OR51B5: variants seen among roughly 807,000 people sequenced by gnomAD.
The protein encoded by OR51B5 is olfactory receptor 51B5.
For synonymous variants in OR51B5, 186 were observed against 144.8 expected, an observed-to-expected ratio of 1.28 and a Z score of -2.04; for missense variants, 456 against 374.6, an observed-to-expected ratio of 1.22 and a Z score of -1.79.
chr11:5,355,728 C>T (rs1413785275), intron 1 of OR51B5: 1 of 149,604 alleles, frequency 6.7e-6, no homozygotes, highest in Admixed American at 6.7e-5. Flanking sequence ...TTCAAATAAA[C>T]CTTGGGAAAT....
At chr11:5,394,523 G>A (rs894964632) in intron 1 of OR51B5, among the ~76,000 whole-genome samples, 4 of 152,158 alleles carry the variant, frequency 2.6e-5, no homozygotes, top group Non-Finnish European at 2.9e-5. Context: ...CAACTATCCC[G>A]TTATTTAATA....
intron 1 of OR51B5, among the ~76,000 whole-genome samples, chr11:5,447,549 G>GT (rs1307144525): frequency 1.3e-5 from 2 of 152,028 alleles, no homozygotes; most frequent in African/African-American, 4.8e-5. Flanking sequence ...AATATATTCA[G>GT]TTTTTTTGTA....
At chr11:5,497,108 G>T (rs915955391) in intron 1 of OR51B5, among the ~76,000 whole-genome samples, 51 of 151,982 alleles carry the variant, frequency 3.4e-4, no homozygotes, top group African/African-American at 1.1e-3. Flanking sequence ...CTTTGATCTT[G>T]TTTCTCCTAA....
intron 1 of OR51B5, among the ~76,000 whole-genome samples, chr11:5,372,730 T>A (rs974495511): frequency 6.6e-6 from 1 of 152,240 alleles, no homozygotes; most frequent in Non-Finnish European, 1.5e-5. Context: ...TTGTTTTCTT[T>A]GCTGTGCAGA....
Position 5,374,938 on chromosome 11 carries a change from A to G in OR51B5, n.85-28028T>C, listed in dbSNP as rs555439781. ...GATATTATCCAGGAGAACTTCCCCA[A>G]TCTAGCAAGGCAGGCCAACATTCAG... is the stretch of plus-strand genomic sequence containing the variant. On this transcript the variant is annotated intron_variant and non_coding_transcript_variant, in intron 1 of 4. Transcript: ENST00000415970. 3.4e-4 allele frequency among the ~76,000 whole-genome samples: 52 copies of G among 152,114 alleles called. 1 individual carries two copies. The Middle Eastern group carries it at 0.034, about 99-fold the overall frequency.
intron 1 of OR51B5, among the ~76,000 whole-genome samples, chr11:5,495,936 C>A (rs1232379841): frequency 2.0e-5 from 3 of 152,074 alleles, no homozygotes; most frequent in Non-Finnish European, 4.4e-5. Context: ...AGCAGGGTGG[C>A]ATATTGCAAT....
Position 5,454,320 on chromosome 11 carries a change from A to G in OR51B5, n.84+51249T>C, listed in dbSNP as rs745490646. On this transcript the variant is annotated intron_variant and non_coding_transcript_variant, in intron 1 of 4. Coordinates refer to the OR51B5 transcript ENST00000415970. Reference sequence around the variant, plus strand: ...ATGCTACATACATGTCCTCATGTCAAATGTGTACCTATTTGTGCCTCCTGT... The same window carrying G: ...ATGCTACATACATGTCCTCATGTCAGATGTGTACCTATTTGTGCCTCCTGT... The G allele has an allele frequency of 8.7e-6, 14 of 1,614,026 alleles. No homozygotes were observed. In the African/African-American group the frequency reaches 1.9e-4, roughly 22 times the overall value.
intron 1 of OR51B5, among the ~76,000 whole-genome samples, chr11:5,429,222 C>G (rs927786383): frequency 1.4e-5 from 2 of 142,196 alleles, no homozygotes; most frequent in Admixed American, 1.4e-4. Context: ...AAAACCCCAG[C>G]CTTTGAGAGT....
At chr11:5,369,829 G>A (rs755068877) in intron 1 of OR51B5, among the ~76,000 whole-genome samples, 2 of 152,130 alleles carry the variant, frequency 1.3e-5, no homozygotes, top group Non-Finnish European at 2.9e-5. Context: ...CTGCATTTTT[G>A]TGTTACAGTG....
intron 1 of OR51B5, among the ~76,000 whole-genome samples, chr11:5,369,222 AGTACT>A (rs72141243): frequency 0.38 from 57,751 of 151,656 alleles, 11,173 homozygotes; most frequent in Non-Finnish European, 0.4. Context: ...CTGATTTTCT[AGTACT>A]GTACTGAATG....
At chr11:5,414,523 GTA>G (rs1850204955) in intron 1 of OR51B5, among the ~76,000 whole-genome samples, 1 of 151,974 alleles carries the variant, frequency 6.6e-6, no homozygotes, top group South Asian at 2.1e-4. Context: ...TCAGTGTGTT[GTA>G]TTCAGGAAAC....
intron 1 of OR51B5, among the ~76,000 whole-genome samples, chr11:5,465,381 T>G (rs1851124421): frequency 6.6e-6 from 1 of 151,998 alleles, no homozygotes; most frequent in South Asian, 2.1e-4. Flanking sequence ...TTCATGTGTT[T>G]TTTGGCTGCA....
chr11:5,429,946 G>C (rs1023442821), intron 1 of OR51B5, among the ~76,000 whole-genome samples: 2 of 152,162 alleles, frequency 1.3e-5, no homozygotes, highest in African/African-American at 4.8e-5. Flanking sequence ...CTTTTGGTCA[G>C]CTGTTCATTC....
chr11:5,365,597 G>A lies in OR51B5; in HGVS notation n.85-18687C>T, dbSNP rs563193979. Among the ~76,000 whole-genome samples, 24 of 152,254 alleles carry A rather than the reference G, an allele frequency of 1.6e-4. 1 individual carries two copies. In the South Asian group the frequency reaches 1.9e-3, roughly 12 times the overall value. On this transcript the variant is annotated intron_variant and non_coding_transcript_variant, in intron 1 of 4. Transcript: ENST00000415970. The stretch of plus-strand genomic sequence containing the variant: ...CATTATCGAGATGCACATGACATCG[G>A]TTTGCCATGACAGGGCTCTTGGTGT...
At position 5,384,991 on chromosome 11, in the gene OR51B5, T is replaced by A. The variant is rs115748935; in HGVS notation, n.85-38081A>T. On this transcript the variant is annotated intron_variant and non_coding_transcript_variant, in intron 1 of 4. Coordinates refer to the OR51B5 transcript ENST00000415970. ...CTCCTATTTACAAGAAACAGTATCCTCCACCAATGTAGTTCATTAAAAAAT... is the reference window on the plus strand; with the variant it reads ...CTCCTATTTACAAGAAACAGTATCCACCACCAATGTAGTTCATTAAAAAAT... Among the ~76,000 whole-genome samples, 444 of 152,294 alleles carry A rather than the reference T, an allele frequency of 2.9e-3. 1 individual carries two copies. The highest frequency in any genetic ancestry group is 0.01 in the African/African-American group (420 of 41,564).
chr11:5,402,544 A>G, intron 1 of OR51B5: 1 of 420,030 alleles, frequency 2.4e-6, no homozygotes, highest in South Asian at 1.8e-5. Flanking sequence ...TCATCTCACT[A>G]GTTTGTTTCT....
At chr11:5,453,412 C>T (rs1850887543) in intron 1 of OR51B5, 1 of 1,052,690 alleles carries the variant, frequency 9.5e-7, no homozygotes, top group African/African-American at 1.6e-5. Flanking sequence ...GATTTCTTGT[C>T]CTCCAGCAAG....
At position 5,374,581 on chromosome 11, in the gene OR51B5, T is replaced by A. The variant is rs139735827; in HGVS notation, n.85-27671A>T. 3.7e-3 allele frequency among the ~76,000 whole-genome samples: 560 copies of A among 152,058 alleles called. 2 individuals are homozygous for A. Among genetic ancestry groups the A allele is most frequent in the Middle Eastern group, 6.8e-3 (2 of 294 alleles). ...CCAAAGGCAAAGAAGATAAAAACTT[T>A]GAAAAAAAATTTAGATGAATGTATA... On this transcript the variant is annotated intron_variant and non_coding_transcript_variant, in intron 1 of 4. Coordinates refer to the OR51B5 transcript ENST00000415970.
chr11:5,429,900 C>T lies in OR51B5; in HGVS notation n.84+75669G>A, dbSNP rs114115784. On this transcript the variant is annotated intron_variant and non_coding_transcript_variant, in intron 1 of 4. Coordinates refer to the OR51B5 transcript ENST00000415970. ...AGAATCTGTAGCCTGGGCATTGTGA[C>T]ATTGTTCATATTTTATTTCATGCTT... Among the ~76,000 whole-genome samples, 615 of 152,266 alleles carry T rather than the reference C, an allele frequency of 4.0e-3. 6 individuals are homozygous for T. The highest frequency in any genetic ancestry group is 0.014 in the African/African-American group (577 of 41,546).
Sources: allele counts gnomAD v4.1 joint callset (sites outside exome capture counted in the v4.1 genomes callset), GRCh38; gene constraint gnomAD v4.1.1; transcripts MANE v1.5; gene names NCBI Gene and HGNC (gene_info 2026-07-23, HGNC 2026-07-21).